SP110: variants seen among roughly 807,000 people sequenced by gnomAD.
SP110 encodes the protein interferon-induced protein 41, 30kD.
Under a neutral mutation model 92.7 loss-of-function variants are expected in SP110, and 62 were observed. The observed-to-expected ratio is 0.67, with a 90% CI of 0.55 to 0.83. The LOEUF is 0.83. Ranked by LOEUF, SP110 falls within the 40% of genes least tolerant of loss-of-function variation. SP110 has a pLI of 0.00. For missense variants in SP110, 793 were observed against 863.9 expected, an observed-to-expected ratio of 0.92 and a Z score of 1.03; for synonymous variants, 273 against 305.3, an observed-to-expected ratio of 0.89 and a Z score of 1.10.
chr2:230,221,698 C>T (rs1247063810), upstream of SP110: 3 of 1,535,852 alleles, frequency 2.0e-6, no homozygotes, highest in Non-Finnish European at 2.6e-6. Flanking sequence ...TGTCACATGT[C>T]ACTTACCTGA....
intron 11 of SP110, among the ~76,000 whole-genome samples, chr2:230,184,758 A>C (rs537039131): frequency 6.6e-6 from 1 of 152,318 alleles, no homozygotes; most frequent in African/African-American, 2.4e-5. Flanking sequence ...GATGACCCTC[A>C]AAAGAAAAAA....
chr2:230,202,961 T>A (rs2043327088), intron 8 of SP110: 1 of 562,166 alleles, frequency 1.8e-6, no homozygotes, highest in African/African-American at 1.9e-5. Context: ...TATGACCTGT[T>A]GCAATCAACT....
chr2:230,183,453 G>A (rs750609049), intron 12 of SP110, 119 bp downstream of exon 12: 13 of 787,984 alleles, frequency 1.6e-5, no homozygotes, highest in African/African-American at 8.5e-5. Flanking sequence ...TACCCATGAC[G>A]GTGGAGAACA....
At position 230,179,807 on chromosome 2, in the gene SP110, G is replaced by T. The variant is rs75686755; in HGVS notation, c.1349-1552C>A. Among the ~76,000 whole-genome samples, 26 of 151,992 alleles carry T rather than the reference G, an allele frequency of 1.7e-4. 1 individual carries two copies. The East Asian group carries it at 4.1e-3, about 24-fold the overall frequency. On this transcript the variant is annotated intron_variant, in intron 12 of 18. Coordinates refer to ENST00000258381, the MANE Select transcript of SP110 (RefSeq NM_080424.4). ...TTCACAAGCAGATGAGGGAGCAGGG[G>T]GTGGCTTTGGGGGCCACGGGTAGCA...
At chr2:230,178,011 T>G (rs992528106) in intron 13 of SP110, 146 bp downstream of exon 13, 9 of 705,672 alleles carry the variant, frequency 1.3e-5, no homozygotes, top group East Asian at 5.4e-5. Context: ...GTGGAAGAGT[T>G]TGGAAATTCC....
chr2:230,171,216 C>T (rs554048661), intron 17 of SP110, among the ~76,000 whole-genome samples: 1 of 152,340 alleles, frequency 6.6e-6, no homozygotes, highest in South Asian at 2.1e-4. Flanking sequence ...CCTCAGCCTC[C>T]TGAGTAGCTG....
At chr2:230,176,842 C>G (rs1188705262) in intron 14 of SP110, 7 of 1,092,598 alleles carry the variant, frequency 6.4e-6, no homozygotes, top group Non-Finnish European at 9.6e-6. Context: ...GATCTCAAAC[C>G]CAAGAAGTCA....
At chr2:230,201,016 A>G (rs2043130458) in intron 9 of SP110, 51 bp from the exon 10 acceptor site, 2 of 1,421,344 alleles carry the variant, frequency 1.4e-6, no homozygotes, top group South Asian at 2.3e-5. Flanking sequence ...ACCATGGAGA[A>G]TCTCCCAGAG....
intron 16 of SP110, 110 bp from the exon 17 acceptor site, chr2:230,171,877 C>T (rs1169618663): frequency 4.3e-6 from 4 of 930,548 alleles, no homozygotes; most frequent in Non-Finnish European, 7.1e-6. Context: ...GTCAGCATTC[C>T]AGCCATGCTT....
intron 10 of SP110, among the ~76,000 whole-genome samples, chr2:230,199,128 CTAT>C (rs200457151): frequency 3.6e-5 from 5 of 140,286 alleles, no homozygotes; most frequent in Non-Finnish European, 6.0e-5. Flanking sequence ...GCTTTAGCTA[CTAT>C]TATTATTATT....
At chr2:230,215,698 C>T (rs897808735) in intron 2 of SP110, among the ~76,000 whole-genome samples, 8 of 152,154 alleles carry the variant, frequency 5.3e-5, no homozygotes, top group Admixed American at 1.3e-4. Flanking sequence ...CTACTAGGCT[C>T]GGTCAGCGAG....
In SP110 at chr2:230,216,772, A is replaced by G. The variant is rs2148952051; in HGVS notation, c.147+9T>C. On this transcript the variant is annotated intron_variant, in intron 2 of 18. Coordinates refer to ENST00000258381, the MANE Select transcript of SP110 (RefSeq NM_080424.4). Reference sequence around the variant, plus strand: ...CTGGGCTGCCATGGAAGGGTTCAACATGACTCACCATGTACATTCTCTTAG... The same window carrying G: ...CTGGGCTGCCATGGAAGGGTTCAACGTGACTCACCATGTACATTCTCTTAG... 1 of 1,613,750 alleles carries G rather than the reference A, an allele frequency of 6.2e-7. No individual in the cohort carries two copies. Among genetic ancestry groups the G allele is most frequent in the South Asian group, 1.1e-5 (1 of 91,068 alleles).
chr2:230,196,476 C>T (rs1469345), intron 10 of SP110, among the ~76,000 whole-genome samples: 116,088 of 151,896 alleles, frequency 0.76, 44,488 homozygotes, highest in Admixed American at 0.83. Flanking sequence ...CATACTTATA[C>T]AAAAATAAAG....
rs1553839424 is a variant in SP110 at position 230,168,122 on chromosome 2, A to AAAG, written c.*1001_*1002insCTT. ...AGACTCTGTCTCAAAAAAAAAAAAA[A>AAAG]AAAAAAAAAAAGAAAAAGTGGGCAA... On this transcript the variant is annotated 3_prime_UTR_variant, in exon 19 of 19. Transcript: ENST00000258381. 5.9e-5 allele frequency: 8 copies of AAAG among 135,242 alleles called. No homozygotes were observed. Among genetic ancestry groups the AAAG allele is most frequent in the African/African-American group, 2.0e-4 (7 of 35,896 alleles). 8.4% of individuals were successfully genotyped at this position (135,242 alleles called of 1,614,324 possible).
intron 7 of SP110, among the ~76,000 whole-genome samples, chr2:230,208,825 C>T (rs1435407636): frequency 6.6e-6 from 1 of 152,196 alleles, no homozygotes; most frequent in African/African-American, 2.4e-5. Flanking sequence ...TCTTCCAAGA[C>T]TTGCCAGAGA....
chr2:230,199,801 G>A (rs1235747737), intron 10 of SP110, among the ~76,000 whole-genome samples: 1 of 152,040 alleles, frequency 6.6e-6, no homozygotes, highest in Non-Finnish European at 1.5e-5. Flanking sequence ...TTTTGAATAA[G>A]CAGTTTTCTA....
chr2:230,213,248 G>A lies in SP110; in HGVS notation c.317-221C>T, dbSNP rs182828951. On this transcript the variant is annotated intron_variant, in intron 3 of 18. Coordinates refer to ENST00000258381, the MANE Select transcript of SP110 (RefSeq NM_080424.4). ...TGAGTGCTACAATAAGTGCATCTAA[G>A]CCCTGATCTAATACCAAAATGGTTT... 2.6e-5 allele frequency among the ~76,000 whole-genome samples: 4 copies of A among 152,244 alleles called. No homozygotes were observed. The East Asian group carries it at 7.7e-4, about 29-fold the overall frequency.
chr2:230,201,898 G>A (rs2043218698), intron 9 of SP110, among the ~76,000 whole-genome samples: 1 of 152,150 alleles, frequency 6.6e-6, no homozygotes, highest in African/African-American at 2.4e-5. Flanking sequence ...TAGTATTAAA[G>A]GTGAATATCC....
chr2:230,170,361 G>A (rs754946205), intron 18 of SP110, among the ~76,000 whole-genome samples: 12 of 151,836 alleles, frequency 7.9e-5, no homozygotes, highest in Non-Finnish European at 1.8e-4. Flanking sequence ...CTCTCGTTGG[G>A]AGCGAGCTGC....
Sources: gnomAD v4.1 joint callset for allele counts (sites outside exome capture counted in the v4.1 genomes callset) on GRCh38, gnomAD v4.1.1 for gene constraint, MANE v1.5 for transcripts, NCBI Gene and HGNC (gene_info 2026-07-23, HGNC 2026-07-21) for gene names.